The following STK39 variants were observed in gnomAD, a reference collection of about 807,000 sequenced individuals.
STK39 encodes the protein serine/threonine kinase 39.
Under a neutral mutation model 77.8 loss-of-function variants are expected in STK39, and 20 were observed. The ratio of observed to expected loss-of-function variants is 0.26; its 90% CI spans 0.18 to 0.37. The LOEUF (loss-of-function observed/expected upper bound fraction) is 0.37, where lower values mean the gene tolerates loss of function less well. Among genes scored for constraint, STK39 ranks in the 10% least tolerant of loss-of-function variants. The probability of loss-of-function intolerance (pLI) is 1.00; values close to 1 mark genes in which losing one functional copy is unlikely to be tolerated. For synonymous variants in STK39, 246 were observed against 234.1 expected (o/e 1.05, Z -0.47); for missense variants, 479 against 656.5 (o/e 0.73, Z 2.95).
intron 10 of STK39, among the ~76,000 whole-genome samples, chr2:168,107,034 C>T (rs1303083763): frequency 6.6e-6 from 1 of 152,094 alleles, no homozygotes; most frequent in African/African-American, 2.4e-5. Flanking sequence ...TGCTTCATGT[C>T]ACGTAATTTT....
At chr2:168,218,279 A>G (rs1030896035) in intron 1 of STK39, among the ~76,000 whole-genome samples, 1 of 152,230 alleles carries the variant, frequency 6.6e-6, no homozygotes, top group Middle Eastern at 3.2e-3. Flanking sequence ...GTGAATGTAC[A>G]AATTAGACAA....
chr2:168,061,232 G>A (rs1478021358), intron 14 of STK39, among the ~76,000 whole-genome samples: 1 of 146,084 alleles, frequency 6.8e-6, no homozygotes, highest in African/African-American at 2.5e-5. Context: ...GAAATATAGA[G>A]TGTGGATTAC....
intron 14 of STK39, among the ~76,000 whole-genome samples, chr2:168,050,966 C>T (rs187937512): frequency 1.3e-5 from 2 of 152,280 alleles, no homozygotes; most frequent in African/African-American, 4.8e-5. Flanking sequence ...AAATTACATT[C>T]CAAGAAGTCT....
chr2:168,080,035 T>A (rs1315117531), intron 10 of STK39, among the ~76,000 whole-genome samples: 3 of 152,142 alleles, frequency 2.0e-5, no homozygotes, highest in Non-Finnish European at 2.9e-5. Flanking sequence ...CAGCTTACAG[T>A]AGGGCCTCAG....
intron 10 of STK39, among the ~76,000 whole-genome samples, chr2:168,127,784 G>C (rs1306183404): frequency 6.6e-6 from 1 of 152,186 alleles, no homozygotes; most frequent in Non-Finnish European, 1.5e-5. Context: ...AGAAAGAATA[G>C]AAACGGGGAA....
At chr2:168,071,826 C>G (rs938062925) in intron 12 of STK39, among the ~76,000 whole-genome samples, 1 of 150,242 alleles carries the variant, frequency 6.7e-6, no homozygotes, top group Non-Finnish European at 1.5e-5. Context: ...GCCGAGATTG[C>G]GCCACTGCAC....
chr2:168,169,631 C>CGTGTGTGTGTGTGTGTGTGT (rs10611769), intron 2 of STK39, among the ~76,000 whole-genome samples: 1,906 of 145,864 alleles, frequency 0.013, 32 homozygotes, highest in East Asian at 0.031. Flanking sequence ...TTGCAGTGAG[C>CGTGTGTGTGTGTGTGTGTGT]GTGTGTGTGT....
chr2:168,145,585 T>TA (rs1433891302), intron 5 of STK39, among the ~76,000 whole-genome samples: 1 of 152,176 alleles, frequency 6.6e-6, no homozygotes, highest in East Asian at 1.9e-4. Flanking sequence ...AATTCATTTT[T>TA]AAAAAAATAG....
intron 16 of STK39, among the ~76,000 whole-genome samples, chr2:167,978,805 A>G (rs1272034075): frequency 6.6e-6 from 1 of 152,088 alleles, no homozygotes; most frequent in African/African-American, 2.4e-5. Context: ...GAAACCACTG[A>G]TGTGTTTTCT....
At chr2:168,046,982 G>A (rs544238907) in intron 14 of STK39, among the ~76,000 whole-genome samples, 34 of 151,832 alleles carry the variant, frequency 2.2e-4, no homozygotes, top group Middle Eastern at 6.8e-3. Context: ...AGCGAGTATA[G>A]ATTGTACAAT....
In STK39 at chr2:168,155,352, G is replaced by A. The variant is rs924336138; in HGVS notation, c.628+6435C>T. Among the ~76,000 whole-genome samples, 10 of 152,244 alleles carry A rather than the reference G, an allele frequency of 6.6e-5. No individual in the cohort carries two copies. The East Asian group carries it at 1.5e-3, about 23-fold the overall frequency. On this transcript the variant is annotated intron_variant, in intron 5 of 17. Coordinates refer to ENST00000355999, the MANE Select transcript of STK39 (RefSeq NM_013233.3). ...AGTTTCCAGAACTGAGTACATTCTT[G>A]GTTCATTCTAGAGCTCTTATCAAAT...
At chr2:167,994,451 T>C (rs1008353075) in intron 16 of STK39, among the ~76,000 whole-genome samples, 2 of 152,220 alleles carry the variant, frequency 1.3e-5, no homozygotes, top group African/African-American at 2.4e-5. Context: ...GTGAAACTCA[T>C]ATAGCATAAA....
intron 16 of STK39, among the ~76,000 whole-genome samples, chr2:167,973,006 C>A (rs1021682334): frequency 5.3e-5 from 8 of 152,012 alleles, no homozygotes; most frequent in African/African-American, 1.9e-4. Flanking sequence ...AGGACTCCAC[C>A]CTAAAGCCAG....
intron 1 of STK39, among the ~76,000 whole-genome samples, chr2:168,213,149 CAAA>C (rs1350204261): frequency 6.6e-6 from 1 of 152,156 alleles, no homozygotes; most frequent in African/African-American, 2.4e-5. Flanking sequence ...ATGGTGACAG[CAAA>C]TGTCTAACAA....
In STK39 at chr2:168,247,473, CG is replaced by C; in HGVS notation, c.-39del. ...GAGAGCAGGAGGACGCGCCGGCCGA[CG>C]GACGACCTTCCACTTGAAACTTCCT... On this transcript the variant is annotated 5_prime_UTR_variant, in exon 1 of 18. Coordinates refer to ENST00000355999, the MANE Select transcript of STK39 (RefSeq NM_013233.3). 7.7e-7 allele frequency: 1 copy of C among 1,296,362 alleles called. No homozygotes were observed. Among genetic ancestry groups the C allele is most frequent in the Admixed American group, 2.6e-5 (1 of 38,868 alleles). The allele number at this position is 1,296,362 out of a possible 1,614,324, so 80.3% of individuals were successfully genotyped here.
At chr2:168,008,286 G>A (rs906487380) in intron 16 of STK39, among the ~76,000 whole-genome samples, 2 of 152,220 alleles carry the variant, frequency 1.3e-5, no homozygotes, top group Admixed American at 6.5e-5. Flanking sequence ...GGCTTGAAAC[G>A]TGATGGGATG....
rs1009627388 is a variant in STK39, at chr2:167,966,556, T to C, written c.1499-1830A>G. Among the ~76,000 whole-genome samples the C allele has an allele frequency of 7.9e-5, 12 of 152,190 alleles. No individual in the cohort carries two copies. The East Asian group carries it at 2.3e-3, about 29-fold the overall frequency. On this transcript the variant is annotated intron_variant, in intron 16 of 17. Coordinates refer to ENST00000355999, the MANE Select transcript of STK39 (RefSeq NM_013233.3). ...CATCTATTTCCAGTCTGCTCTCTAA[T>C]GTTCAGTCAAAAGCAGAGCTCTAGC... is the stretch of plus-strand genomic sequence containing the variant.
chr2:168,084,213 A>G (rs1245404087), intron 10 of STK39, among the ~76,000 whole-genome samples: 1 of 152,188 alleles, frequency 6.6e-6, no homozygotes, highest in African/African-American at 2.4e-5. Context: ...GAAAATCTGG[A>G]TTTCTGAAAG....
At chr2:168,188,865 C>T (rs1040499541) in intron 1 of STK39, among the ~76,000 whole-genome samples, 2 of 152,144 alleles carry the variant, frequency 1.3e-5, no homozygotes, top group Non-Finnish European at 2.9e-5. Flanking sequence ...ATAAAACAGA[C>T]GCTCCTGCTG....
Sources: allele counts gnomAD v4.1 joint callset (sites outside exome capture counted in the v4.1 genomes callset), GRCh38; gene constraint gnomAD v4.1.1; transcripts MANE v1.5; gene names NCBI Gene and HGNC (gene_info 2026-07-23, HGNC 2026-07-21).